Variants in KDM3B observed in about 807,000 individuals in gnomAD.
KDM3B encodes the protein lysine-specific demethylase 3B.
A neutral mutation model predicts 170.0 loss-of-function variants in KDM3B; 10 were observed. That is an observed-to-expected ratio of 0.06 (90% CI 0.04 to 0.10). The LOEUF is 0.10. Among genes scored for constraint, KDM3B ranks in the 10% least tolerant of loss-of-function variants. The pLI, the probability that KDM3B is intolerant of heterozygous loss-of-function variation, is 1.00. For synonymous variants in KDM3B, 831 were observed against 834.8 expected (o/e 1.00, Z 0.08); for missense variants, 1,394 against 2,195.2 (o/e 0.64, Z 7.29).
intron 1 of KDM3B, among the ~76,000 whole-genome samples, chr5:138,353,508 T>TA (rs1323952308): frequency 1.3e-5 from 2 of 152,166 alleles, no homozygotes; most frequent in Non-Finnish European, 2.9e-5. Flanking sequence ...ATCTGGCAGT[T>TA]ACTTCCTCAT....
At chr5:138,375,023 A>C in intron 2 of KDM3B, 70 bp from the exon 3 acceptor site, 9 of 809,634 alleles carry the variant, frequency 1.1e-5, no homozygotes, top group Non-Finnish European at 2.0e-5. Context: ...CTTTGAAGTT[A>C]GAGATTTGTT....
At chr5:138,384,931 G>A (rs1762220993) in intron 6 of KDM3B, among the ~76,000 whole-genome samples, 3 of 149,796 alleles carry the variant, frequency 2.0e-5, no homozygotes, top group Non-Finnish European at 3.0e-5. Flanking sequence ...AAAAAAAAAA[G>A]GAAAGAAAGG....
intron 14 of KDM3B, among the ~76,000 whole-genome samples, chr5:138,420,447 G>T (rs1033443851): frequency 6.6e-6 from 1 of 152,204 alleles, no homozygotes; most frequent in East Asian, 1.9e-4. Context: ...AAGTGAGGGA[G>T]ATGAAAGATG....
intron 1 of KDM3B, among the ~76,000 whole-genome samples, chr5:138,355,938 A>G (rs1367673639): frequency 6.6e-6 from 1 of 152,196 alleles, no homozygotes; most frequent in Non-Finnish European, 1.5e-5. Flanking sequence ...ATTCAACCGT[A>G]TACAAAGAGT....
At position 138,398,367 on chromosome 5, in the gene KDM3B, G is replaced by C; in HGVS notation, c.3021G>C (p.Glu1007Asp). ...QFCQLVMSEK[E>D]AMMMVEPHQK... ...GCCAGCTCGTAATGTCTGAGAAGGA[G>C]GCCATGATGATGGTGGAGCCACACC... The change falls in exon 10 of 24, where the codon GAG becomes GAC. Residue 1007 changes from glutamate (E) to aspartate (D), a missense_variant. Glu to Asp is a conservative substitution (Grantham distance 45). Transcript: ENST00000314358. 6.2e-7 allele frequency: 1 copy of C among 1,614,150 alleles called. No individual in the cohort carries two copies. Among genetic ancestry groups the C allele is most frequent in the South Asian group, 1.1e-5 (1 of 91,078 alleles).
intron 4 of KDM3B, among the ~76,000 whole-genome samples, chr5:138,378,970 G>T (rs983416442): frequency 2.0e-5 from 3 of 151,898 alleles, no homozygotes; most frequent in Non-Finnish European, 4.4e-5. Context: ...AGCTTAAATT[G>T]CAGGGTAACA....
intron 1 of KDM3B, among the ~76,000 whole-genome samples, chr5:138,369,863 T>C (rs1336263688): frequency 6.6e-6 from 1 of 152,140 alleles, no homozygotes; most frequent in East Asian, 1.9e-4. Flanking sequence ...AACCAGTCCA[T>C]GAGGTAAGAA....
chr5:138,382,901 T>C (rs1375012238), intron 6 of KDM3B, among the ~76,000 whole-genome samples: 5 of 152,204 alleles, frequency 3.3e-5, no homozygotes, highest in African/African-American at 9.6e-5. Context: ...GTCCCCTTTT[T>C]TGTTCCTTTC....
chr5:138,399,445 G>A (rs1022489522), intron 10 of KDM3B, among the ~76,000 whole-genome samples: 4 of 151,856 alleles, frequency 2.6e-5, no homozygotes, highest in African/African-American at 9.7e-5. Flanking sequence ...GGCTGAGGCA[G>A]GTGAATGGTA....
At chr5:138,387,218 T>C (rs1372883547) in intron 7 of KDM3B, among the ~76,000 whole-genome samples, 1 of 152,198 alleles carries the variant, frequency 6.6e-6, no homozygotes, top group Non-Finnish European at 1.5e-5. Context: ...ATGCATATAT[T>C]GTTGCTAAAA....
intron 11 of KDM3B, 47 bp downstream of exon 11, chr5:138,400,059 T>C: frequency 6.3e-7 from 1 of 1,593,642 alleles, no homozygotes; most frequent in Non-Finnish European, 8.6e-7. Flanking sequence ...CGTGGAGGTA[T>C]GTCCAAGATG....
At chr5:138,426,588 AAAAAAAAG>A (rs1422558055) in intron 17 of KDM3B, among the ~76,000 whole-genome samples, 1 of 150,738 alleles carries the variant, frequency 6.6e-6, no homozygotes, top group Non-Finnish European at 1.5e-5. Flanking sequence ...AAAAAAAAAA[AAAAAAAAG>A]ATTAGTCTCC....
intron 16 of KDM3B, 127 bp from the exon 17 acceptor site, chr5:138,425,284 A>G (rs1763366779): frequency 1.4e-6 from 1 of 735,596 alleles, no homozygotes; most frequent in Non-Finnish European, 2.2e-6. Flanking sequence ...TTATACAACT[A>G]GGAAAGAACA....
At chr5:138,358,845 A>G (rs1296848889) in intron 1 of KDM3B, among the ~76,000 whole-genome samples, 11 of 151,428 alleles carry the variant, frequency 7.3e-5, no homozygotes, top group Middle Eastern at 6.8e-3. Flanking sequence ...CACAATGTGC[A>G]GGTTAGTTAC....
At chr5:138,357,438 C>CTG (rs1177883619) in intron 1 of KDM3B, among the ~76,000 whole-genome samples, 1 of 151,904 alleles carries the variant, frequency 6.6e-6, no homozygotes, top group East Asian at 1.9e-4. Flanking sequence ...TCACAACACA[C>CTG]TGCAGCTTCG....
rs769886945 is a variant in KDM3B at position 138,352,830 on chromosome 5, GGCT to G, written c.46_48del (p.Leu16del). 6.2e-5 allele frequency: 83 copies of G among 1,345,712 alleles called. No homozygotes were observed. The highest frequency in any genetic ancestry group is 5.6e-4 in the Middle Eastern group (2 of 3,592). 83.4% of individuals were successfully genotyped at this position (1,345,712 alleles called of 1,614,324 possible). A position where few individuals can be genotyped will look rare whatever the true frequency, so the allele number is the denominator to read the frequency against. Reference sequence around the variant, plus strand: ...GCGGCGGCCTCCCCGGTGGGCAAGCGGCTGCTGCTGCTGTTCGCGGACACTGCG... The same window carrying G: ...GCGGCGGCCTCCCCGGTGGGCAAGCGGCTGCTGCTGTTCGCGGACACTGCG... On this transcript the variant is annotated inframe_deletion, in exon 1 of 24. Transcript: ENST00000314358.
intron 7 of KDM3B, among the ~76,000 whole-genome samples, chr5:138,387,954 A>G (rs568697465): frequency 6.6e-6 from 1 of 151,850 alleles, no homozygotes; most frequent in Non-Finnish European, 1.5e-5. Flanking sequence ...GGCGGCGTGC[A>G]CCTGTAGTCC....
chr5:138,408,650 A>G (rs1762885995), intron 11 of KDM3B, among the ~76,000 whole-genome samples: 1 of 152,212 alleles, frequency 6.6e-6, no homozygotes, highest in South Asian at 2.1e-4. Context: ...TCCATCATGA[A>G]CATAGATGTA....
Position 138,425,402 on chromosome 5 carries a change from T to C in KDM3B, c.4240-9T>C. On this transcript the variant is annotated splice_polypyrimidine_tract_variant and intron_variant, in intron 16 of 23. Transcript: ENST00000314358. ...GATTGCTCTGATTGGGATATTTTTG[T>C]TTCCACAGCCAGTGCTGGTTTCGGG... The C allele has an allele frequency of 6.2e-7, 1 of 1,611,736 alleles. No homozygotes were observed. The highest frequency in any genetic ancestry group is 8.5e-7 in the Non-Finnish European group (1 of 1,179,218).
Sources: allele counts gnomAD v4.1 joint callset (sites outside exome capture counted in the v4.1 genomes callset), GRCh38; gene constraint gnomAD v4.1.1; transcripts MANE v1.5; gene names NCBI Gene and HGNC (gene_info 2026-07-23, HGNC 2026-07-21).